The following ATG101 variants were observed in gnomAD, a reference collection of about 807,000 sequenced individuals.
ATG101 encodes the protein autophagy-related protein 101.
Under a neutral mutation model 16.7 loss-of-function variants are expected in ATG101, and 6 were observed. The ratio of observed to expected loss-of-function variants is 0.36; its 90% confidence interval spans 0.20 to 0.71. ATG101 has a LOEUF of 0.71. Ranked by LOEUF, ATG101 falls within the 30% of genes least tolerant of loss-of-function variation. ATG101 has a pLI of 0.57. For synonymous variants in ATG101, 108 were observed against 118.1 expected (o/e 0.91, Z 0.56); for missense variants, 200 against 292.5 (o/e 0.68, Z 2.31).
chr12:52,077,141 C>G lies in ATG101; in HGVS notation c.608C>G (p.Ser203Ter), dbSNP rs1163747955. 6.2e-7 allele frequency: 1 copy of G among 1,614,210 alleles called. No homozygotes were observed. The highest frequency in any genetic ancestry group is 8.5e-7 in the Non-Finnish European group (1 of 1,180,042). ...SFQITDALGTSVTTTMRRLIK... is the reference protein window; with the variant it reads ...SFQITDALGT ...CAGATCACTGATGCCCTGGGCACCTCAGTCACCACCACCATGCGCAGGCTC... is the reference window on the plus strand; with the variant it reads ...CAGATCACTGATGCCCTGGGCACCTGAGTCACCACCACCATGCGCAGGCTC... The change falls in exon 4 of 4, where the codon TCA (serine) becomes TGA (stop). Residue 203 changes from serine to a stop codon, truncating the protein, a stop_gained. Coordinates refer to ENST00000336854, the MANE Select transcript of ATG101 (RefSeq NM_021934.5). LOFTEE classifies it high-confidence loss of function.
At chr12:52,073,451 G>C (rs1939681769) in intron 2 of ATG101, 124 bp from the exon 3 acceptor site, 1 of 619,978 alleles carries the variant, frequency 1.6e-6, no homozygotes, top group Non-Finnish European at 2.8e-6. Flanking sequence ...TTCGTTGATA[G>C]TGTGTGCTGC....
chr12:52,065,943 T>A (rs1939545375), upstream of ATG101, among the ~76,000 whole-genome samples: 1 of 152,138 alleles, frequency 6.6e-6, no homozygotes, highest in Non-Finnish European at 1.5e-5. Context: ...AATGGCGAGA[T>A]CTCAGCTCAC....
chr12:52,072,165 AC>A lies in ATG101; in HGVS notation c.-76-1407del, dbSNP rs745827405. Among the ~76,000 whole-genome samples the A allele has an allele frequency of 7.2e-4, 109 of 152,280 alleles. 1 individual carries two copies. Among genetic ancestry groups the A allele is most frequent in the East Asian group, 1.9e-3 (10 of 5,192 alleles). Reference sequence around the variant, plus strand: ...TACATGCTAGCTCATTCAGCCCTCAACCCTTTCAAGGTAGCCATTATTATCT... The same window carrying A: ...TACATGCTAGCTCATTCAGCCCTCAACCTTTCAAGGTAGCCATTATTATCT... On this transcript the variant is annotated intron_variant, in intron 2 of 3. Coordinates refer to ENST00000336854, the MANE Select transcript of ATG101 (RefSeq NM_021934.5).
intron 2 of ATG101, among the ~76,000 whole-genome samples, chr12:52,072,627 G>A (rs1336821754): frequency 6.6e-6 from 1 of 152,142 alleles, no homozygotes; most frequent in Non-Finnish European, 1.5e-5. Flanking sequence ...ATATGTGTGT[G>A]TGTGAGAGTC....
upstream of ATG101, among the ~76,000 whole-genome samples, chr12:52,065,854 A>T (rs570824099): frequency 6.6e-6 from 1 of 152,322 alleles, no homozygotes; most frequent in Admixed American, 6.5e-5. Flanking sequence ...CCCCATACAT[A>T]TGTGGCGGCA....
At chr12:52,071,801 C>G (rs1018551120) in intron 2 of ATG101, among the ~76,000 whole-genome samples, 2 of 151,958 alleles carry the variant, frequency 1.3e-5, no homozygotes, top group African/African-American at 4.8e-5. Context: ...AGTGAGACCC[C>G]ATTTCATAAA....
At position 52,077,387 on chromosome 12, in the gene ATG101, G is replaced by C. The variant is rs188590888; in HGVS notation, c.*197G>C. 5.8e-5 allele frequency: 37 copies of C among 640,702 alleles called. No individual in the cohort carries two copies. The East Asian group carries it at 1.0e-3, about 18-fold the overall frequency. The allele number at this position is 640,702 out of a possible 1,614,324, so 39.7% of individuals were successfully genotyped here. The stretch of plus-strand genomic sequence containing the variant: ...TAATCTTTGCTGACGGTTCAGTCCT[G>C]CCTCTACTGTCTCTCCATAGCCCTG... On this transcript the variant is annotated 3_prime_UTR_variant, in exon 4 of 4. Transcript: ENST00000336854.
chr12:52,076,718 T>C (rs750622228), intron 3 of ATG101, 68 bp from the exon 4 acceptor site: 27 of 1,532,714 alleles, frequency 1.8e-5, no homozygotes, highest in Non-Finnish European at 2.1e-5. Flanking sequence ...CCCTGGGGTG[T>C]GGGAAGCAGG....
upstream of ATG101, chr12:52,069,511 C>G (rs974387079): frequency 2.0e-5 from 3 of 152,310 alleles, no homozygotes; most frequent in African/African-American, 7.2e-5. Flanking sequence ...CCTCTCTCTA[C>G]GGGGTACGCC....
chr12:52,072,018 C>G (rs185774379), intron 2 of ATG101, among the ~76,000 whole-genome samples: 6 of 152,348 alleles, frequency 3.9e-5, no homozygotes, highest in Admixed American at 2.6e-4. Flanking sequence ...TTCCTACTCT[C>G]TCTACCACTG....
upstream of ATG101, among the ~76,000 whole-genome samples, chr12:52,066,722 C>A (rs1332730825): frequency 6.6e-6 from 1 of 152,096 alleles, no homozygotes; most frequent in Non-Finnish European, 1.5e-5. Flanking sequence ...TTGTACCTAG[C>A]AAGGTTCAAT....
At chr12:52,068,242 T>C (rs535817944), upstream of ATG101, among the ~76,000 whole-genome samples, 133 of 149,382 alleles carry the variant, frequency 8.9e-4, no homozygotes, top group African/African-American at 3.1e-3. Flanking sequence ...TTGGTAGAGA[T>C]GAGGTTTCAC....
At chr12:52,071,485 A>G (rs1013693353) in intron 2 of ATG101, 23 of 152,334 alleles carry the variant, frequency 1.5e-4, no homozygotes, top group African/African-American at 5.3e-4. Context: ...TTGGGTACCA[A>G]AACTAAAACT....
At chr12:52,076,191 G>C (rs1317033498) in intron 3 of ATG101, among the ~76,000 whole-genome samples, 1 of 152,104 alleles carries the variant, frequency 6.6e-6, no homozygotes, top group Admixed American at 6.6e-5. Context: ...TGTTTAATTG[G>C]CAGTGGAGAA....
intron 3 of ATG101, among the ~76,000 whole-genome samples, chr12:52,075,271 C>T (rs1939714491): frequency 6.6e-6 from 1 of 152,212 alleles, no homozygotes; most frequent in African/African-American, 2.4e-5. Flanking sequence ...AGCAGCAGCA[C>T]TCAGCCCTGT....
intron 3 of ATG101, among the ~76,000 whole-genome samples, chr12:52,075,943 T>C (rs931728803): frequency 6.6e-6 from 1 of 152,168 alleles, no homozygotes; most frequent in Non-Finnish European, 1.5e-5. Context: ...GAGTATTGCT[T>C]GAGCCCAGGA....
intron 2 of ATG101, among the ~76,000 whole-genome samples, chr12:52,071,677 G>T (rs1398586939): frequency 6.6e-6 from 1 of 152,156 alleles, no homozygotes; most frequent in Non-Finnish European, 1.5e-5. Context: ...AATTAGCCAG[G>T]TGTGGTGGTG....
chr12:52,068,814 G>A (rs1763460750), upstream of ATG101, among the ~76,000 whole-genome samples: 1 of 151,356 alleles, frequency 6.6e-6, no homozygotes, highest in Non-Finnish European at 1.5e-5. Context: ...GTGAAAACCC[G>A]TCTCTACTAA....
chr12:52,074,164 T>A (rs1939697898), intron 3 of ATG101, among the ~76,000 whole-genome samples: 2 of 152,242 alleles, frequency 1.3e-5, no homozygotes, highest in South Asian at 4.1e-4. Flanking sequence ...CTGAGCAGTG[T>A]TGGCGGCCAG....
Sources: allele counts gnomAD v4.1 joint callset (sites outside exome capture counted in the v4.1 genomes callset), GRCh38; gene constraint gnomAD v4.1.1; transcripts MANE v1.5; gene names NCBI Gene and HGNC (gene_info 2026-07-23, HGNC 2026-07-21).